Variants in TOP1MT observed in about 807,000 individuals in gnomAD.
The protein encoded by TOP1MT is DNA topoisomerase I, mitochondrial.
A neutral mutation model predicts 73.9 loss-of-function variants in TOP1MT; 80 were observed. That is an observed-to-expected ratio of 1.08 (90% CI 0.90 to 1.30). TOP1MT has a LOEUF of 1.30. Ranked by LOEUF, TOP1MT falls within the 50% of genes most tolerant of loss-of-function variation. The pLI is 0.00. For synonymous variants in TOP1MT, 338 were observed against 326.4 expected, an observed-to-expected ratio of 1.04 and a Z score of -0.38; for missense variants, 815 against 808.0, an observed-to-expected ratio of 1.01 and a Z score of -0.10.
chr8:143,318,024 C>G lies in TOP1MT; in HGVS notation c.1209G>C (p.Arg403Ser). The change falls in exon 9 of 14, where the codon AGG becomes AGC. Residue 403 changes from arginine to serine, a missense_variant. This residue lies in a region of TOP1MT where 751 missense variants were observed against 725.4 expected (regional missense o/e 1.04). Coordinates refer to ENST00000329245, the MANE Select transcript of TOP1MT (RefSeq NM_052963.3). ...NKDPRDDLFD[R>S]LTTTSLNKHL... Reference sequence around the variant, plus strand: ...GAAACACGAGCCGGCTTACGGTCAGCCTGTCGAAGAGGTCGTCCCGGGGGT... The same window carrying G: ...GAAACACGAGCCGGCTTACGGTCAGGCTGTCGAAGAGGTCGTCCCGGGGGT... 1 of 1,614,146 alleles carries G rather than the reference C, an allele frequency of 6.2e-7. No homozygotes were observed. The highest frequency in any genetic ancestry group is 8.5e-7 in the Non-Finnish European group (1 of 1,180,002).
At position 143,329,331 on chromosome 8, in the gene TOP1MT, G is replaced by A. The variant is rs748950924; in HGVS notation, c.360+19C>T. ...CAGCCAGGTCCAGGACAGCTGTGGC[G>A]GCCGCCCAGGGTACCTACCTTTCGC... On this transcript the variant is annotated intron_variant, in intron 3 of 13. Coordinates refer to ENST00000329245, the MANE Select transcript of TOP1MT (RefSeq NM_052963.3). 7.9e-5 allele frequency: 125 copies of A among 1,586,100 alleles called. 1 individual carries two copies. Among genetic ancestry groups the A allele is most frequent in the Middle Eastern group, 6.7e-4 (4 of 5,976 alleles).
chr8:143,317,880 G>A, intron 9 of TOP1MT, 43 bp from the exon 10 acceptor site: 1 of 1,603,350 alleles, frequency 6.2e-7, no homozygotes, highest in Non-Finnish European at 8.5e-7. Context: ...GTTTTGCGGG[G>A]CCGTCCCAGC....
chr8:143,317,619 C>T (rs1816204175), intron 10 of TOP1MT, 104 bp downstream of exon 10: 16 of 968,454 alleles, frequency 1.7e-5, no homozygotes, highest in Admixed American at 5.0e-5. Context: ...CCCAAAGAAG[C>T]GGCCCCACCC....
chr8:143,318,151 C>A (rs1486157698), intron 8 of TOP1MT, 65 bp from the exon 9 acceptor site: 1 of 1,506,992 alleles, frequency 6.6e-7, no homozygotes, highest in Non-Finnish European at 9.2e-7. Context: ...ACCTGAAGGG[C>A]GTCTACGCAG....
At chr8:143,332,876 GC>G (rs1816898119) in intron 1 of TOP1MT, among the ~76,000 whole-genome samples, 2 of 151,958 alleles carry the variant, frequency 1.3e-5, no homozygotes. Context: ...GATGCTGCAG[GC>G]AGCTGGAGTC....
intron 5 of TOP1MT, 107 bp downstream of exon 5, chr8:143,325,239 A>G (rs1243056829): frequency 1.9e-6 from 2 of 1,061,262 alleles, no homozygotes; most frequent in South Asian, 3.2e-5. Flanking sequence ...GGGGTCACCA[A>G]CCACATGTTT....
chr8:143,334,647 A>G, intron 1 of TOP1MT, 93 bp downstream of exon 1: 1 of 1,538,526 alleles, frequency 6.5e-7, no homozygotes, highest in Non-Finnish European at 8.8e-7. Context: ...GAAGCAGGGC[A>G]AGGCCGTCCC....
At chr8:143,309,771 A>G in intron 13 of TOP1MT, 1 of 1,533,498 alleles carries the variant, frequency 6.5e-7, no homozygotes. Flanking sequence ...TCCACCGAGC[A>G]GGGCGCTCAG....
rs187859458 is a variant in TOP1MT, at chr8:143,323,912, C to A, written c.960+87G>T. ...TGAGGTTCCACCCCACACACAGGCC[C>A]ACGTCGCCACACTGCACCATCCAAC... is the stretch of plus-strand genomic sequence containing the variant. On this transcript the variant is annotated intron_variant, in intron 7 of 13. Transcript: ENST00000329245. 1,384 of 1,491,654 alleles carry A rather than the reference C, an allele frequency of 9.3e-4. 5 individuals are homozygous for A. The highest frequency in any genetic ancestry group is 8.3e-4 in the Non-Finnish European group (909 of 1,089,366). 92.4% of individuals were successfully genotyped at this position (1,491,654 alleles called of 1,614,324 possible).
intron 7 of TOP1MT, 95 bp from the exon 8 acceptor site, chr8:143,321,481 A>ACG: frequency 1.0e-6 from 1 of 974,058 alleles, no homozygotes; most frequent in Non-Finnish European, 1.5e-6. Flanking sequence ...CGCACGCCAC[A>ACG]CGCACGCCAC....
upstream of TOP1MT, among the ~76,000 whole-genome samples, chr8:143,335,436 A>G (rs1816966302): frequency 6.6e-6 from 1 of 152,224 alleles, no homozygotes; most frequent in Non-Finnish European, 1.5e-5. Context: ...AAGTCCTGCG[A>G]AATCATCCCT....
chr8:143,321,907 CACAGGCACGCCACACACAT>C, intron 7 of TOP1MT, among the ~76,000 whole-genome samples: 1 of 104,492 alleles, frequency 9.6e-6, no homozygotes, highest in Non-Finnish European at 2.0e-5. Context: ...ACGCCACACA[CACAGGCACGCCACACACAT>C]GCACGCCACA....
In TOP1MT at chr8:143,321,270, G is replaced by A. The variant is rs200205171; in HGVS notation, c.1077C>T (p.His359=). 2 of 1,612,502 alleles carry A rather than the reference G, an allele frequency of 1.2e-6. No individual in the cohort carries two copies. The highest frequency in any genetic ancestry group is 1.7e-6 in the Non-Finnish European group (2 of 1,179,166). ...TCCCCAGGAAGTCAAATTCCACCAC[G>A]TGTTGGCAGCCATCGGCCTCCGGGT... ...QLHPEADGCQ[H]VVEFDFLGKD... is the part of the protein sequence containing the mutation. Residue 359 remains histidine (H), a synonymous_variant, in exon 8 of 14, where the codon CAC becomes CAT. Transcript: ENST00000329245.
chr8:143,349,640 C>CTTTTTT (rs112290042), upstream of TOP1MT, among the ~76,000 whole-genome samples: 1 of 145,956 alleles, frequency 6.9e-6, no homozygotes, highest in Non-Finnish European at 1.5e-5. Flanking sequence ...CATCTGTACA[C>CTTTTTT]TTTTTTTTTT....
intron 8 of TOP1MT, among the ~76,000 whole-genome samples, chr8:143,318,820 A>G (rs1266117043): frequency 1.3e-5 from 2 of 152,136 alleles, no homozygotes; most frequent in Non-Finnish European, 2.9e-5. Context: ...GCACCGGGAC[A>G]TGGCGGGAAG....
rs769565077 is a variant in TOP1MT, at chr8:143,331,386, A to G, written c.123-47T>C. 2.6e-6 allele frequency: 4 copies of G among 1,523,842 alleles called. No homozygotes were observed. The African/African-American group carries it at 4.1e-5, about 16-fold the overall frequency. 94.4% of individuals were successfully genotyped at this position (1,523,842 alleles called of 1,614,324 possible). A position where few individuals can be genotyped will look rare whatever the true frequency, so the allele number is the denominator to read the frequency against. ...GTCACTCTCCTGGGCCAGGCCCTGCATGAGCCTCTTCCCCGCTCCCACAGT... is the reference window on the plus strand; with the variant it reads ...GTCACTCTCCTGGGCCAGGCCCTGCGTGAGCCTCTTCCCCGCTCCCACAGT... On this transcript the variant is annotated intron_variant, in intron 1 of 13. Coordinates refer to ENST00000329245, the MANE Select transcript of TOP1MT (RefSeq NM_052963.3).
chr8:143,324,263 G>T, intron 6 of TOP1MT, 121 bp from the exon 7 acceptor site: 3 of 1,435,546 alleles, frequency 2.1e-6, no homozygotes, highest in Non-Finnish European at 2.9e-6. Flanking sequence ...GTGGTCAGGG[G>T]CTGGGGCAGC....
chr8:143,339,525 A>G (rs992351639), upstream of TOP1MT, among the ~76,000 whole-genome samples: 6 of 152,264 alleles, frequency 3.9e-5, no homozygotes, highest in Admixed American at 3.3e-4. Context: ...ACCAAAAGCA[A>G]TGCCAGACAC....
At chr8:143,354,521 T>C (rs1817374678) in intron 1 of TOP1MT, among the ~76,000 whole-genome samples, 1 of 152,080 alleles carries the variant, frequency 6.6e-6, no homozygotes, top group Non-Finnish European at 1.5e-5. Flanking sequence ...GAGACCAGCC[T>C]GACCAACATG....
Sources: allele counts gnomAD v4.1 joint callset (sites outside exome capture counted in the v4.1 genomes callset), GRCh38; gene constraint gnomAD v4.1.1; regional missense constraint gnomAD v4.1.1; transcripts MANE v1.5; gene names NCBI Gene and HGNC (gene_info 2026-07-23, HGNC 2026-07-21).